RPP30: variants seen among roughly 807,000 people sequenced by gnomAD.
RPP30 encodes ribonuclease P/MRP subunit p30.
In RPP30, 36 loss-of-function variants were observed where a neutral mutation model predicts 38.6. The observed-to-expected ratio is 0.93, with a 90% CI of 0.71 to 1.23. The LOEUF is 1.23. Among genes scored for constraint, RPP30 ranks in the 50% most tolerant of loss-of-function variants. The pLI is 0.00. For missense variants in RPP30, 321 were observed against 321.7 expected, an observed-to-expected ratio of 1.00 and a Z score of 0.02; for synonymous variants, 126 against 112.7, an observed-to-expected ratio of 1.12 and a Z score of -0.75.
chr10:90,900,921 C>A lies in RPP30; in HGVS notation c.*242C>A. 1 of 1,215,086 alleles carries A rather than the reference C, an allele frequency of 8.2e-7. No homozygotes were observed. Among genetic ancestry groups the A allele is most frequent in the South Asian group, 3.1e-5 (1 of 32,534 alleles). The allele number at this position is 1,215,086 out of a possible 1,614,324, so 75.3% of individuals were successfully genotyped here. On this transcript the variant is annotated 3_prime_UTR_variant, in exon 11 of 11. Transcript: ENST00000371703. ...TTTAAGAGAGAAAGACTGGTTATTTCTCCTTTGTGTAAGTGATAAACAACA... is the reference window on the plus strand; with the variant it reads ...TTTAAGAGAGAAAGACTGGTTATTTATCCTTTGTGTAAGTGATAAACAACA...
At chr10:90,882,839 T>A (rs1846949776) in intron 5 of RPP30, among the ~76,000 whole-genome samples, 1 of 152,174 alleles carries the variant, frequency 6.6e-6, no homozygotes, top group Admixed American at 6.5e-5. Context: ...AAAGTTTTAT[T>A]TTCTTCCTGC....
chr10:90,903,450 A>G (rs1012560436), downstream of RPP30, among the ~76,000 whole-genome samples: 2 of 152,260 alleles, frequency 1.3e-5, no homozygotes, highest in Non-Finnish European at 2.9e-5. Flanking sequence ...TTATTTGCAG[A>G]TACGACTGTC....
At position 90,872,041 on chromosome 10, in the gene RPP30, C is replaced by T. The variant is rs377658471; in HGVS notation, c.55C>T (p.Arg19Cys). The T allele has an allele frequency of 6.2e-7, 1 of 1,614,132 alleles. No homozygotes were observed. Among genetic ancestry groups the T allele is most frequent in the East Asian group, 2.2e-5 (1 of 44,884 alleles). ...LRAGSDLKALRGLVETAAHLG... is the reference protein window; with the variant it reads ...LRAGSDLKALCGLVETAAHLG... ...AGCGGGTTCTGACCTGAAGGCTCTG[C>T]GCGGACTTGTGGAGACAGCCGCTCA... The change falls in exon 1 of 11, where the codon CGC (arginine) becomes TGC (cysteine). Residue 19 changes from arginine to cysteine, a missense_variant. Physicochemically the swap from Arg to Cys is radical, Grantham distance 180. Coordinates refer to ENST00000371703, the MANE Select transcript of RPP30 (RefSeq NM_006413.5).
chr10:90,894,670 G>A, intron 6 of RPP30, 105 bp from the exon 7 acceptor site: 1 of 784,686 alleles, frequency 1.3e-6, no homozygotes, highest in Non-Finnish European at 2.2e-6. Flanking sequence ...TGACATGTAA[G>A]GGGTCAGTAG....
In RPP30 at chr10:90,890,819, T is replaced by TAA. The variant is rs34954749; in HGVS notation, c.433-3948_433-3947dup. ...AAAGAGTGCCTAGAAATTAATAAGTTAAAAAAAAAGATGAACAATACCAAA... is the reference window on the plus strand; with the variant it reads ...AAAGAGTGCCTAGAAATTAATAAGTTAAAAAAAAAAAGATGAACAATACCAAA... On this transcript the variant is annotated intron_variant, in intron 6 of 10. Transcript: ENST00000371703. Among the ~76,000 whole-genome samples, 797 of 150,618 alleles carry TAA rather than the reference T, an allele frequency of 5.3e-3. 6 individuals are homozygous for TAA. Among genetic ancestry groups the TAA allele is most frequent in the South Asian group, 8.2e-3 (39 of 4,762 alleles).
Position 90,894,850 on chromosome 10 carries a change from A to G in RPP30, c.508A>G (p.Ile170Val), listed in dbSNP as rs1847121988. ...IKDSTMRRYT[I>V]SSALNLMQIC... ...AGACTCCACAATGAGAAGGTATACA[A>G]TTTCCAGTGCCCTCAATTTGATGCA... The change falls in exon 7 of 11, where the codon ATT becomes GTT. Residue 170 changes from isoleucine to valine, a missense_variant. Coordinates refer to ENST00000371703, the MANE Select transcript of RPP30 (RefSeq NM_006413.5). 2 of 1,613,296 alleles carry G rather than the reference A, an allele frequency of 1.2e-6. No individual in the cohort carries two copies. Among genetic ancestry groups the G allele is most frequent in the East Asian group, 2.2e-5 (1 of 44,864 alleles).
chr10:90,887,202 A>C (rs965757426), intron 6 of RPP30, among the ~76,000 whole-genome samples: 1 of 151,416 alleles, frequency 6.6e-6, no homozygotes, highest in Admixed American at 6.6e-5. Context: ...TCCTGGGCTC[A>C]AGCAATCCTC....
chr10:90,877,290 G>A (rs1423599775), intron 4 of RPP30, among the ~76,000 whole-genome samples: 2 of 151,854 alleles, frequency 1.3e-5, no homozygotes, highest in Admixed American at 6.6e-5. Flanking sequence ...CTGCGCAACA[G>A]AGCCAGACTT....
At chr10:90,903,215 CTT>C (rs775716835), downstream of RPP30, 4 of 1,606,410 alleles carry the variant, frequency 2.5e-6, no homozygotes, top group South Asian at 4.4e-5. Context: ...ACAAAGACAA[CTT>C]TTGATCTCTC....
chr10:90,881,576 T>G (rs1030787898), intron 5 of RPP30, among the ~76,000 whole-genome samples: 1 of 152,218 alleles, frequency 6.6e-6, no homozygotes, highest in Non-Finnish European at 1.5e-5. Context: ...GGGAACATCT[T>G]CCTCTTCTCT....
intron 7 of RPP30, 100 bp from the exon 8 acceptor site, chr10:90,895,354 G>A (rs1589501207): frequency 4.4e-6 from 3 of 685,236 alleles, no homozygotes; most frequent in East Asian, 6.3e-5. Flanking sequence ...GTTGGTATTT[G>A]AGCCTTAAAT....
At chr10:90,882,796 T>C (rs1373386788) in intron 5 of RPP30, among the ~76,000 whole-genome samples, 2 of 152,222 alleles carry the variant, frequency 1.3e-5, no homozygotes, top group African/African-American at 4.8e-5. Context: ...AGACCCTGTC[T>C]CTATTTTTAA....
intron 8 of RPP30, 36 bp downstream of exon 8, chr10:90,895,519 C>T (rs773374667): frequency 5.5e-6 from 7 of 1,263,256 alleles, no homozygotes; most frequent in Non-Finnish European, 7.3e-6. Flanking sequence ...TTTCATCTTT[C>T]AGGTTATAAA....
downstream of RPP30, chr10:90,903,095 A>C (rs1439737461): frequency 1.4e-6 from 1 of 718,252 alleles, no homozygotes; most frequent in Non-Finnish European, 2.5e-6. Flanking sequence ...ACTGCTGTCA[A>C]ATTAGATATG....
chr10:90,902,822 CTG>C (rs1847218409), downstream of RPP30, among the ~76,000 whole-genome samples: 1 of 152,154 alleles, frequency 6.6e-6, no homozygotes, highest in Admixed American at 6.5e-5. Context: ...TTCTGTAAAA[CTG>C]AGGCTGGTGC....
At chr10:90,882,263 A>C (rs984357581) in intron 5 of RPP30, among the ~76,000 whole-genome samples, 1 of 152,204 alleles carries the variant, frequency 6.6e-6, no homozygotes, top group Non-Finnish European at 1.5e-5. Context: ...AGTTTAAAAA[A>C]TTTTTGAGCC....
intron 5 of RPP30, among the ~76,000 whole-genome samples, chr10:90,879,746 TA>T (rs906566116): frequency 6.6e-6 from 1 of 152,228 alleles, no homozygotes; most frequent in African/African-American, 2.4e-5. Context: ...GAAAGGAGCT[TA>T]ACGTGTATGC....
At chr10:90,895,122 T>C in intron 7 of RPP30, 1 of 581,756 alleles carries the variant, frequency 1.7e-6, no homozygotes, top group Non-Finnish European at 3.1e-6. Flanking sequence ...TTGATAAAAA[T>C]TTGCAATTTA....
intron 6 of RPP30, 147 bp downstream of exon 6, chr10:90,886,048 A>G (rs557148482): frequency 1.3e-5 from 7 of 557,288 alleles, no homozygotes; most frequent in East Asian, 9.5e-5. Flanking sequence ...TTCGTTTTGA[A>G]AGCTGAACAA....
Sources: allele counts gnomAD v4.1 joint callset (sites outside exome capture counted in the v4.1 genomes callset), GRCh38; gene constraint gnomAD v4.1.1; transcripts MANE v1.5; gene names NCBI Gene and HGNC (gene_info 2026-07-23, HGNC 2026-07-21).